DOK5: variants seen among roughly 807,000 people sequenced by gnomAD.
The protein encoded by DOK5 is downstream of tyrosine kinase 5.
In DOK5, 27 loss-of-function variants were observed where a neutral mutation model predicts 43.3. The ratio of observed to expected loss-of-function variants is 0.62; its 90% CI spans 0.46 to 0.86. DOK5 has a LOEUF of 0.86. Ranked by LOEUF, DOK5 falls within the 40% of genes least tolerant of loss-of-function variation. The pLI is 0.00. For missense variants in DOK5, 373 were observed against 392.9 expected (o/e 0.95, Z 0.43); for synonymous variants, 146 against 140.1 (o/e 1.04, Z -0.30).
intron 5 of DOK5, among the ~76,000 whole-genome samples, chr20:54,609,544 AATAT>A (rs1986577044): frequency 1.3e-5 from 2 of 150,534 alleles, no homozygotes; most frequent in Non-Finnish European, 2.9e-5. Flanking sequence ...CACACACTAA[AATAT>A]ATAGAGAGCA....
At chr20:54,519,239 T>C (rs981737168) in intron 1 of DOK5, among the ~76,000 whole-genome samples, 7 of 152,214 alleles carry the variant, frequency 4.6e-5, no homozygotes, top group African/African-American at 1.7e-4. Context: ...TGTGCTCTAG[T>C]AGTTTAAACT....
chr20:54,640,918 G>A lies in DOK5; in HGVS notation c.736-2540G>A, dbSNP rs73624120. Among the ~76,000 whole-genome samples the A allele has an allele frequency of 1.1e-3, 160 of 152,186 alleles. 3 individuals carry two copies. In the East Asian group the frequency reaches 0.027, roughly 26 times the overall value. On this transcript the variant is annotated intron_variant, in intron 6 of 7. Coordinates refer to ENST00000262593, the MANE Select transcript of DOK5 (RefSeq NM_018431.5). The stretch of plus-strand genomic sequence containing the variant: ...TGTTACTAAAAGTCACTGGTAAATC[G>A]TTCTGGATTTTTTTAGACTTTCATG...
rs1328925234 is a variant in DOK5, at chr20:54,475,717, C to T, written c.-230C>T. ...GGCGCTCCAGCCTCGCCTCCCCGCG[C>T]CGCGCTCTGCGCTCCCCGAAAGTGG... On this transcript the variant is annotated 5_prime_UTR_variant, in exon 1 of 8. Coordinates refer to ENST00000262593, the MANE Select transcript of DOK5 (RefSeq NM_018431.5). This position sits in a 1 kb window ranked among gnomAD's most constrained non-coding sequence, Gnocchi z 4.2. 2 of 592,938 alleles carry T rather than the reference C, an allele frequency of 3.4e-6. No individual in the cohort carries two copies. Among genetic ancestry groups the T allele is most frequent in the East Asian group, 3.0e-5 (1 of 33,118 alleles). The allele number at this position is 592,938 out of a possible 1,614,324, so 36.7% of individuals were successfully genotyped here. A position where few individuals can be genotyped will look rare whatever the true frequency, so the allele number is the denominator to read the frequency against.
intron 6 of DOK5, among the ~76,000 whole-genome samples, chr20:54,633,576 G>A (rs117048113): frequency 0.013 from 1,932 of 152,316 alleles, 21 homozygotes; most frequent in South Asian, 0.021. Flanking sequence ...GTGTTCAGGC[G>A]TGGATGTGGC....
intron 2 of DOK5, among the ~76,000 whole-genome samples, chr20:54,583,882 C>A (rs1985715201): frequency 1.3e-5 from 2 of 151,618 alleles, no homozygotes; most frequent in African/African-American, 4.8e-5. Context: ...ATTACTGCAC[C>A]AGGCATAGTG....
At chr20:54,556,037 A>G (rs1984698310) in intron 2 of DOK5, among the ~76,000 whole-genome samples, 2 of 152,344 alleles carry the variant, frequency 1.3e-5, no homozygotes, top group African/African-American at 4.8e-5. Flanking sequence ...GATGAAAACA[A>G]TGGGGAAGCT....
intron 1 of DOK5, among the ~76,000 whole-genome samples, chr20:54,512,322 G>T (rs1312120079): frequency 6.6e-6 from 1 of 152,134 alleles, no homozygotes; most frequent in Non-Finnish European, 1.5e-5. Context: ...TTTTCTGCTG[G>T]TCCCATAAAT....
intron 1 of DOK5, among the ~76,000 whole-genome samples, chr20:54,537,511 A>G (rs1422121190): frequency 6.6e-6 from 1 of 152,230 alleles, no homozygotes; most frequent in Non-Finnish European, 1.5e-5. Context: ...TGAGATAGAA[A>G]GAAGGCCCAA....
intron 1 of DOK5, among the ~76,000 whole-genome samples, chr20:54,496,518 A>AGCACTTTG (rs990721797): frequency 1.3e-5 from 2 of 152,214 alleles, no homozygotes; most frequent in Non-Finnish European, 2.9e-5. Context: ...CTGTAATCCC[A>AGCACTTTG]GCACTTTGGG....
At chr20:54,599,366 A>T (rs1379204513) in intron 5 of DOK5, among the ~76,000 whole-genome samples, 1 of 152,242 alleles carries the variant, frequency 6.6e-6, no homozygotes, top group African/African-American at 2.4e-5. Flanking sequence ...AATTACAAAG[A>T]TAATGCACAC....
chr20:54,616,931 A>C (rs1306740186), intron 6 of DOK5, among the ~76,000 whole-genome samples: 1 of 151,688 alleles, frequency 6.6e-6, no homozygotes, highest in Admixed American at 6.6e-5. Context: ...CTGAGACTAC[A>C]GGCGCCTGCC....
intron 2 of DOK5, among the ~76,000 whole-genome samples, chr20:54,582,029 T>G (rs1985660800): frequency 6.6e-6 from 1 of 151,966 alleles, no homozygotes; most frequent in Admixed American, 6.6e-5. Context: ...GTCTTCATCA[T>G]GTTGAAGTAA....
chr20:54,639,582 T>A (rs764962405), intron 6 of DOK5, among the ~76,000 whole-genome samples: 1 of 151,890 alleles, frequency 6.6e-6, no homozygotes, highest in Non-Finnish European at 1.5e-5. Context: ...TCAGGGTAAT[T>A]TTTATTTTTA....
At chr20:54,521,196 T>C (rs1337635210) in intron 1 of DOK5, among the ~76,000 whole-genome samples, 2 of 152,160 alleles carry the variant, frequency 1.3e-5, no homozygotes, top group East Asian at 3.9e-4. Flanking sequence ...CTTTTTTTAA[T>C]GACATGACTT....
chr20:54,559,662 G>A (rs1488897175), intron 2 of DOK5, among the ~76,000 whole-genome samples: 1 of 152,190 alleles, frequency 6.6e-6, no homozygotes, highest in Non-Finnish European at 1.5e-5. Flanking sequence ...AAATTGGAGG[G>A]ACTTTGAGTC....
intron 1 of DOK5, among the ~76,000 whole-genome samples, chr20:54,526,214 A>C (rs1365324099): frequency 6.6e-6 from 1 of 151,606 alleles, no homozygotes; most frequent in African/African-American, 2.4e-5. Flanking sequence ...AGAATTGCCA[A>C]GCTGTTTCTT....
intron 1 of DOK5, among the ~76,000 whole-genome samples, chr20:54,517,141 C>T (rs1055330288): frequency 6.6e-6 from 1 of 152,106 alleles, no homozygotes; most frequent in African/African-American, 2.4e-5. Context: ...AACTTCCCAC[C>T]CTGTGTGCAG....
intron 1 of DOK5, among the ~76,000 whole-genome samples, chr20:54,547,845 T>C (rs1600694560): frequency 6.6e-6 from 1 of 152,202 alleles, no homozygotes; most frequent in African/African-American, 2.4e-5. Context: ...CCTGTGGGGA[T>C]TGACTTGTTC....
intron 5 of DOK5, among the ~76,000 whole-genome samples, chr20:54,596,999 A>T (rs1206649572): frequency 6.6e-6 from 1 of 152,236 alleles, no homozygotes; most frequent in Non-Finnish European, 1.5e-5. Context: ...CTATGTGTCA[A>T]GCACTGCACT....
Sources: gnomAD v4.1 joint callset for allele counts (sites outside exome capture counted in the v4.1 genomes callset) on GRCh38, gnomAD v4.1.1 for gene constraint, Gnocchi (gnomAD v3.1) non-coding constraint, MANE v1.5 for transcripts, NCBI Gene and HGNC (gene_info 2026-07-23, HGNC 2026-07-21) for gene names.